The following FANCB variants were observed in gnomAD, a reference collection of about 807,000 sequenced individuals.
The protein encoded by FANCB is FA complementation group B.
Under a neutral mutation model 38.9 loss-of-function variants are expected in FANCB, and 5 were observed. The observed-to-expected ratio is 0.13, with a 90% CI of 0.07 to 0.27. The LOEUF (loss-of-function observed/expected upper bound fraction) is 0.27. Among genes scored for constraint, FANCB ranks in the 10% least tolerant of loss-of-function variants. FANCB has a pLI of 1.00. For synonymous variants in FANCB, 236 were observed against 215.4 expected, an observed-to-expected ratio of 1.10 and a Z score of -0.84; for missense variants, 573 against 602.7, an observed-to-expected ratio of 0.95 and a Z score of 0.52.
At chrX:14,828,375 T>TG in the FANCB span, among the ~76,000 whole-genome samples, 10 of 112,527 alleles carry the variant, frequency 8.9e-5, no homozygotes, top group Non-Finnish European at 1.7e-4. Context: ...CTTTCAAAAT[T>TG]GGAGTCAATC....
chrX:14,723,622 T>C, the FANCB span, among the ~76,000 whole-genome samples: 1 of 111,805 alleles, frequency 8.9e-6, no homozygotes. Context: ...AGCCCCTGGT[T>C]CATTTCTGAA....
At chrX:14,739,061 G>A in the FANCB span, among the ~76,000 whole-genome samples, 1 of 111,723 alleles carries the variant, frequency 9.0e-6, no homozygotes, top group African/African-American at 3.3e-5. Context: ...TAAACCATAT[G>A]TCTGTCAGAA....
At chrX:14,701,908 C>T in the FANCB span, among the ~76,000 whole-genome samples, 1 of 111,837 alleles carries the variant, frequency 8.9e-6, no homozygotes, top group Admixed American at 9.5e-5. Flanking sequence ...CTGGGGTAGA[C>T]AGGCTCAGAC....
At chrX:14,792,518 T>C in the FANCB span, among the ~76,000 whole-genome samples, 1 of 111,083 alleles carries the variant, frequency 9.0e-6, no homozygotes, top group Non-Finnish European at 1.9e-5. Flanking sequence ...ATCAATATAT[T>C]CAATTCAAAA....
At chrX:14,699,101 G>A in the FANCB span, among the ~76,000 whole-genome samples, 5 of 111,943 alleles carry the variant, frequency 4.5e-5, no homozygotes, top group East Asian at 1.4e-3. Flanking sequence ...GACAGAACTG[G>A]CCAACCCCAG....
the FANCB span, among the ~76,000 whole-genome samples, chrX:14,798,129 GTTTTTGTTTTT>G: frequency 6.6e-5 from 7 of 105,977 alleles, no homozygotes; most frequent in South Asian, 4.0e-4. Context: ...TTCCTGTTTT[GTTTTTGTTTTT>G]TTTTTGTTTT....
the FANCB span, among the ~76,000 whole-genome samples, chrX:14,809,183 T>C: frequency 9.0e-6 from 1 of 111,701 alleles, no homozygotes; most frequent in Non-Finnish European, 1.9e-5. Flanking sequence ...GAAAAAACAA[T>C]ATGAGGGAGC....
At chrX:14,784,572 TA>T in the FANCB span, among the ~76,000 whole-genome samples, 1 of 112,515 alleles carries the variant, frequency 8.9e-6, no homozygotes, top group Non-Finnish European at 1.9e-5. Flanking sequence ...GGTGAGAATG[TA>T]AATTAGTTCA....
chrX:14,867,754 T>C (rs1412325276), intron 2 of FANCB, among the ~76,000 whole-genome samples: 1 of 102,994 alleles, frequency 9.7e-6, no homozygotes, highest in Non-Finnish European at 2.0e-5. Flanking sequence ...GAAAAGCTTT[T>C]GCCCAGCCAA....
chrX:14,717,788 G>A, the FANCB span, among the ~76,000 whole-genome samples: 52 of 104,061 alleles, frequency 5.0e-4, no homozygotes, highest in Admixed American at 1.9e-3. Context: ...GATTTATCAA[G>A]AATTTTTTGA....
the FANCB span, among the ~76,000 whole-genome samples, chrX:14,813,678 A>C: frequency 1.8e-5 from 2 of 111,798 alleles, no homozygotes; most frequent in Non-Finnish European, 3.8e-5. Context: ...ATAAAAGAGG[A>C]CACAAAAAAA....
the FANCB span, among the ~76,000 whole-genome samples, chrX:14,757,881 G>GCAGAA: frequency 9.0e-6 from 1 of 111,653 alleles, no homozygotes; most frequent in Admixed American, 9.4e-5. Flanking sequence ...CAGAAGCCAC[G>GCAGAA]GCAGGCAGGC....
At chrX:14,844,773 C>T in intron 8 of FANCB, 33 bp from the exon 9 acceptor site, 3 of 1,160,495 alleles carry the variant, frequency 2.6e-6, no homozygotes, top group Non-Finnish European at 3.5e-6. Context: ...TATCATTAAA[C>T]TCTGCCCATT....
At chrX:14,690,358 T>C in the FANCB span, among the ~76,000 whole-genome samples, 1 of 111,923 alleles carries the variant, frequency 8.9e-6, no homozygotes, top group African/African-American at 3.2e-5. Flanking sequence ...GTACACATCA[T>C]GGAATGTCTA....
chrX:14,811,725 A>C, the FANCB span, among the ~76,000 whole-genome samples: 1 of 111,577 alleles, frequency 9.0e-6, no homozygotes, highest in Non-Finnish European at 1.9e-5. Context: ...GGACACTTTA[A>C]GACTTCACTG....
the FANCB span, among the ~76,000 whole-genome samples, chrX:14,787,826 A>G: frequency 1.0e-5 from 1 of 99,005 alleles, no homozygotes; most frequent in East Asian, 3.2e-4. Flanking sequence ...AAACCAGAAG[A>G]CAAGACAAAA....
At position 14,845,055 on chromosome X, in the gene FANCB, C is replaced by A. The variant is rs1485070083; in HGVS notation, c.1728G>T (p.Gln576His). ...CEHPSKKECVQIITAVTSLSP... is the reference protein window; with the variant it reads ...CEHPSKKECVHIITAVTSLSP... ...AAAGAGATGTTACAGCAGTAATTAT[C>A]TGTACACACTCTTTCTTAGATGGGT... Residue 576 changes from glutamine (Q) to histidine (H), a missense_variant, in exon 8 of 10, where the codon CAG becomes CAT. Transcript: ENST00000650831. 1.7e-6 allele frequency: 2 copies of A among 1,208,690 alleles called. No individual in the cohort carries two copies. The highest frequency in any genetic ancestry group is 1.1e-6 in the Non-Finnish European group (1 of 892,665).
At chrX:14,782,358 TA>T in the FANCB span, among the ~76,000 whole-genome samples, 1 of 111,880 alleles carries the variant, frequency 8.9e-6, no homozygotes, top group Non-Finnish European at 1.9e-5. Context: ...ACCTTTCTTG[TA>T]AAATGAAACT....
At chrX:14,802,345 G>T in the FANCB span, among the ~76,000 whole-genome samples, 1 of 111,854 alleles carries the variant, frequency 8.9e-6, no homozygotes, top group East Asian at 2.8e-4. Flanking sequence ...GAAATGTTGG[G>T]TCACACAGCA....
Sources: allele counts gnomAD v4.1 joint callset (sites outside exome capture counted in the v4.1 genomes callset), GRCh38; gene constraint gnomAD v4.1.1; transcripts MANE v1.5; gene names NCBI Gene and HGNC (gene_info 2026-07-23, HGNC 2026-07-21).